Variants in PDE11A observed in about 807,000 individuals in gnomAD.
PDE11A encodes phosphodiesterase 11A, also known as dual 3',5'-cyclic-AMP and -GMP phosphodiesterase 11A.
In PDE11A, 100 loss-of-function variants were observed where a neutral mutation model predicts 100.5. The observed-to-expected ratio is 1.00, with a 90% CI of 0.85 to 1.18. The LOEUF (loss-of-function observed/expected upper bound fraction) is 1.18, where lower values mean the gene tolerates loss of function less well. Ranked by LOEUF, PDE11A falls within the 50% of genes most tolerant of loss-of-function variation. The pLI is 0.00. For missense variants in PDE11A, 1,141 were observed against 1,152.6 expected (o/e 0.99, Z 0.15); for synonymous variants, 381 against 420.8 (o/e 0.91, Z 1.16).
chr2:177,818,248 A>T (rs2083075606), intron 7 of PDE11A, among the ~76,000 whole-genome samples: 1 of 148,426 alleles, frequency 6.7e-6, no homozygotes, highest in Non-Finnish European at 1.5e-5. Context: ...ATGTAGCTGA[A>T]TATGTGTGTG....
At chr2:177,765,591 A>C (rs1432682133) in intron 10 of PDE11A, among the ~76,000 whole-genome samples, 1 of 152,180 alleles carries the variant, frequency 6.6e-6, no homozygotes, top group African/African-American at 2.4e-5. Context: ...TGCTTCCTTC[A>C]TTAGGCTGCT....
chr2:178,094,515 G>A (rs1463956837), intron 2 of PDE11A, among the ~76,000 whole-genome samples: 1 of 152,168 alleles, frequency 6.6e-6, no homozygotes, highest in African/African-American at 2.4e-5. Flanking sequence ...CTGGGCAACA[G>A]AGTGACAGCC....
chr2:178,042,159 A>AT (rs1439585478), intron 1 of PDE11A, among the ~76,000 whole-genome samples: 1 of 152,192 alleles, frequency 6.6e-6, no homozygotes, highest in Non-Finnish European at 1.5e-5. Flanking sequence ...TTATTCAAAC[A>AT]TTCTAAAGAT....
chr2:178,051,188 T>C (rs1229845867), intron 1 of PDE11A, among the ~76,000 whole-genome samples: 2 of 151,968 alleles, frequency 1.3e-5, no homozygotes, highest in African/African-American at 4.8e-5. Context: ...CAGAAGAGAG[T>C]GGGGGCCAAT....
rs144097428 is a variant in PDE11A at position 178,079,589 on chromosome 2, G to A, written c.162+24713C>T. Among the ~76,000 whole-genome samples, 107 of 152,150 alleles carry A rather than the reference G, an allele frequency of 7.0e-4. 1 individual carries two copies. The East Asian group carries it at 0.019, about 27-fold the overall frequency. ...TTTCTTTACTATTGTGAATAGTGCT[G>A]CAATGAACATACACGTACATGTATC... On this transcript the variant is annotated intron_variant, in intron 2 of 20. Coordinates refer to the PDE11A transcript ENST00000358450.
At chr2:177,631,468 G>A (rs1249862747) in intron 19 of PDE11A, among the ~76,000 whole-genome samples, 1 of 91,094 alleles carries the variant, frequency 1.1e-5, no homozygotes, top group African/African-American at 4.8e-5. Flanking sequence ...GCAACAGAGT[G>A]AGACTCTATC....
intron 5 of PDE11A, among the ~76,000 whole-genome samples, chr2:177,868,406 T>C (rs919668509): frequency 9.9e-5 from 15 of 152,190 alleles, no homozygotes; most frequent in Non-Finnish European, 1.3e-4. Flanking sequence ...AGAGCATCGA[T>C]TGTAAGATGG....
At chr2:177,889,694 T>C (rs13013724) in intron 4 of PDE11A, among the ~76,000 whole-genome samples, 1 of 151,994 alleles carries the variant, frequency 6.6e-6, no homozygotes, top group Non-Finnish European at 1.5e-5. Flanking sequence ...TTCCTTTCTG[T>C]GCAGCTACAT....
chr2:177,983,747 T>C (rs578250389), intron 2 of PDE11A, among the ~76,000 whole-genome samples: 1 of 152,352 alleles, frequency 6.6e-6, no homozygotes, highest in South Asian at 2.1e-4. Flanking sequence ...GAATTTATCA[T>C]TGAACTGCAA....
intron 4 of PDE11A, among the ~76,000 whole-genome samples, chr2:177,882,402 T>G (rs1048574688): frequency 6.6e-6 from 1 of 152,196 alleles, no homozygotes; most frequent in Non-Finnish European, 1.5e-5. Context: ...ACCAAATAGG[T>G]GAAGGCATAA....
chr2:177,996,187 A>G (rs966874343), intron 2 of PDE11A, among the ~76,000 whole-genome samples: 2 of 151,946 alleles, frequency 1.3e-5, no homozygotes, highest in Non-Finnish European at 2.9e-5. Context: ...AGATCTCGCT[A>G]CTGCACTCCA....
intron 2 of PDE11A, among the ~76,000 whole-genome samples, chr2:177,942,468 T>C (rs1376679322): frequency 1.3e-5 from 2 of 151,964 alleles, no homozygotes; most frequent in South Asian, 4.2e-4. Flanking sequence ...AATGGCGTGA[T>C]CTCGGCTCAC....
chr2:178,079,029 T>C (rs2087250326), intron 2 of PDE11A, among the ~76,000 whole-genome samples: 1 of 152,198 alleles, frequency 6.6e-6, no homozygotes, highest in Non-Finnish European at 1.5e-5. Flanking sequence ...AAATGCAATA[T>C]GATATTCTTT....
intron 17 of PDE11A, among the ~76,000 whole-genome samples, chr2:177,673,623 CT>C (rs1271029084): frequency 6.6e-6 from 1 of 152,168 alleles, no homozygotes; most frequent in Non-Finnish European, 1.5e-5. Context: ...AGATCCTGGA[CT>C]TAAGAGTTTG....
intron 9 of PDE11A, among the ~76,000 whole-genome samples, chr2:177,776,249 T>C (rs983006286): frequency 3.3e-5 from 5 of 152,176 alleles, no homozygotes; most frequent in African/African-American, 1.2e-4. Context: ...ACTATTTGTG[T>C]CATATGCATA....
At chr2:177,960,792 G>T (rs2085622791) in intron 2 of PDE11A, among the ~76,000 whole-genome samples, 1 of 152,070 alleles carries the variant, frequency 6.6e-6, no homozygotes, top group Non-Finnish European at 1.5e-5. Context: ...AGTTATCTTG[G>T]GCTGCCCAGC....
At position 177,651,162 on chromosome 2, in the gene PDE11A, C is replaced by T. The variant is rs543160763; in HGVS notation, c.2646+12704G>A. Among the ~76,000 whole-genome samples the T allele has an allele frequency of 4.6e-5, 7 of 152,242 alleles. No individual in the cohort carries two copies. The South Asian group carries it at 1.2e-3, about 27-fold the overall frequency. ...TTGGAAAGTTAGTCTTGAGCACATA[C>T]TAAGTGCTCAAAAGTGTTGTTATGG... On this transcript the variant is annotated intron_variant, in intron 19 of 19. Transcript: ENST00000286063.
chr2:177,898,397 G>A (rs775241277), intron 3 of PDE11A, among the ~76,000 whole-genome samples, 199 bp from the exon 4 acceptor site: 13 of 152,096 alleles, frequency 8.5e-5, no homozygotes, highest in Non-Finnish European at 1.8e-4. Context: ...AATACAACTT[G>A]AGAATAGAGC....
In PDE11A at chr2:178,104,185, T is replaced by C. The variant is rs367845902; in HGVS notation, c.162+117A>G. On this transcript the variant is annotated intron_variant, in intron 2 of 20. Transcript: ENST00000358450. ...GATATAAATCCATATTTCAGTAATA[T>C]GTAAAGAGTGGTCCATTTTTAACGC... 170 of 900,868 alleles carry C rather than the reference T, an allele frequency of 1.9e-4. No individual in the cohort carries two copies. In the African/African-American group the frequency reaches 2.6e-3, roughly 14 times the overall value. 55.8% of individuals were successfully genotyped at this position (900,868 alleles called of 1,614,324 possible). A position where few individuals can be genotyped will look rare whatever the true frequency, so the allele number is the denominator to read the frequency against.
Sources: allele counts gnomAD v4.1 joint callset (sites outside exome capture counted in the v4.1 genomes callset), GRCh38; gene constraint gnomAD v4.1.1; transcripts MANE v1.5; gene names NCBI Gene and HGNC (gene_info 2026-07-23, HGNC 2026-07-21).